Variants in BCAS3 observed in about 807,000 individuals in gnomAD.
BCAS3 encodes the protein BCAS4/BCAS3 fusion.
In BCAS3, 53 loss-of-function variants were observed where a neutral mutation model predicts 116.1. The observed-to-expected ratio is 0.46, with a 90% confidence interval of 0.37 to 0.57. BCAS3 has a LOEUF of 0.57. Among genes scored for constraint, BCAS3 ranks in the 20% least tolerant of loss-of-function variants. The probability of loss-of-function intolerance (pLI) is 0.00; values close to 1 mark genes in which losing one functional copy is unlikely to be tolerated. For missense variants in BCAS3, 917 were observed against 1,165.4 expected, an observed-to-expected ratio of 0.79 and a Z score of 3.10; for synonymous variants, 391 against 408.2, an observed-to-expected ratio of 0.96 and a Z score of 0.51.
In BCAS3 at chr17:61,277,132, C is replaced by T. The variant is rs559233782; in HGVS notation, c.2426-91195C>T. 1.5e-4 allele frequency among the ~76,000 whole-genome samples: 23 copies of T among 151,974 alleles called. No homozygotes were observed. In the South Asian group the frequency reaches 2.1e-3, roughly 14 times the overall value. ...AAAAAAATTTAGAGGGGCATGGTGG[C>T]GTGTGCCTATAGCCCTAGTAACTCA... On this transcript the variant is annotated intron_variant, in intron 22 of 23. Coordinates refer to ENST00000407086, the MANE Select transcript of BCAS3 (RefSeq NM_017679.5).
chr17:60,759,338 A>G (rs1463991767), intron 6 of BCAS3, among the ~76,000 whole-genome samples: 1 of 152,190 alleles, frequency 6.6e-6, no homozygotes, highest in Non-Finnish European at 1.5e-5. Flanking sequence ...CGCAGAGTGT[A>G]TATTCTGTAG....
At chr17:61,085,652 T>C (rs1280022515) in intron 22 of BCAS3, among the ~76,000 whole-genome samples, 1 of 152,216 alleles carries the variant, frequency 6.6e-6, no homozygotes, top group African/African-American at 2.4e-5. Flanking sequence ...ACTATTACTT[T>C]AGAGGACTCA....
chr17:61,165,320 T>A (rs1041961643), intron 22 of BCAS3, among the ~76,000 whole-genome samples: 6 of 152,194 alleles, frequency 3.9e-5, no homozygotes, highest in Non-Finnish European at 7.4e-5. Context: ...CACCAATGTA[T>A]ATCCTGGCCA....
chr17:61,290,992 G>T (rs1036255472), intron 22 of BCAS3, among the ~76,000 whole-genome samples: 2 of 152,146 alleles, frequency 1.3e-5, no homozygotes, highest in African/African-American at 4.8e-5. Flanking sequence ...ATGTTAGCCA[G>T]GATGATCTCG....
At chr17:61,169,918 G>A (rs775493232) in intron 22 of BCAS3, among the ~76,000 whole-genome samples, 62 of 152,012 alleles carry the variant, frequency 4.1e-4, no homozygotes, top group Middle Eastern at 3.2e-3. Context: ...GCAGTGATGC[G>A]ATCTTGGCTC....
chr17:60,721,872 C>A (rs2039275604), intron 5 of BCAS3, among the ~76,000 whole-genome samples: 2 of 152,210 alleles, frequency 1.3e-5, no homozygotes, highest in Non-Finnish European at 2.9e-5. Flanking sequence ...TTTCCACCTC[C>A]AAGTAACCAT....
At chr17:60,847,975 T>TAG (rs1168640207) in intron 7 of BCAS3, among the ~76,000 whole-genome samples, 4 of 152,208 alleles carry the variant, frequency 2.6e-5, no homozygotes, top group African/African-American at 9.6e-5. Flanking sequence ...ATATTTGGGT[T>TAG]AGAACTATTT....
intron 6 of BCAS3, among the ~76,000 whole-genome samples, chr17:60,807,214 T>G (rs1193969660): frequency 6.6e-6 from 1 of 152,226 alleles, no homozygotes; most frequent in Non-Finnish European, 1.5e-5. Flanking sequence ...TTACTGTTGC[T>G]TAGGTAAATC....
At chr17:61,314,512 T>A (rs1277163698) in intron 22 of BCAS3, among the ~76,000 whole-genome samples, 1 of 152,232 alleles carries the variant, frequency 6.6e-6, no homozygotes, top group Non-Finnish European at 1.5e-5. Context: ...ACAGCCCTCC[T>A]AATGACTCTA....
intron 14 of BCAS3, among the ~76,000 whole-genome samples, chr17:60,963,555 ATTTTTTTTT>A (rs148722954): frequency 7.9e-6 from 1 of 126,066 alleles, no homozygotes; most frequent in South Asian, 2.4e-4. Context: ...AATGCTATCG[ATTTTTTTTT>A]TTTTTTTTTG....
intron 23 of BCAS3, among the ~76,000 whole-genome samples, chr17:61,369,904 C>T (rs576497004): frequency 1.9e-4 from 29 of 152,344 alleles, no homozygotes; most frequent in African/African-American, 5.5e-4. Context: ...TAGCCAGCCT[C>T]GGCTCACATA....
Position 61,083,087 on chromosome 17 carries a change from A to G in BCAS3, c.2328-1380A>G, listed in dbSNP as rs1568314348. Among the ~76,000 whole-genome samples the G allele has an allele frequency of 6.6e-6, 1 of 152,130 alleles. No homozygotes were observed. The highest frequency in any genetic ancestry group is 1.5e-5 in the Non-Finnish European group (1 of 68,018). Reference sequence around the variant, plus strand: ...CCTGAATCTATCGTATTCAGTCACTAATCTAAGTTTCTATATGTTGTAGTC... The same window carrying G: ...CCTGAATCTATCGTATTCAGTCACTGATCTAAGTTTCTATATGTTGTAGTC... On this transcript the variant is annotated intron_variant, in intron 21 of 23. Coordinates refer to ENST00000407086, the MANE Select transcript of BCAS3 (RefSeq NM_017679.5). This position sits in a 1 kb window ranked among gnomAD's most constrained non-coding sequence, Gnocchi z 4.9.
At chr17:61,329,389 G>A (rs554641234) in intron 22 of BCAS3, among the ~76,000 whole-genome samples, 4 of 146,302 alleles carry the variant, frequency 2.7e-5, no homozygotes, top group African/African-American at 7.6e-5. Context: ...CGCCCAGGCC[G>A]GAGTGCAGTG....
intron 12 of BCAS3, among the ~76,000 whole-genome samples, chr17:60,916,032 T>A (rs1218467976): frequency 1.3e-5 from 2 of 152,126 alleles, no homozygotes; most frequent in Non-Finnish European, 2.9e-5. Context: ...TATGAATGTG[T>A]CAGTTTGTTC....
intron 7 of BCAS3, among the ~76,000 whole-genome samples, chr17:60,866,570 G>A (rs1015433018): frequency 2.0e-5 from 3 of 152,170 alleles, no homozygotes; most frequent in Non-Finnish European, 4.4e-5. Context: ...GTTGGAAAGT[G>A]ACTCTTCTAC....
In BCAS3 at chr17:61,347,899, C is replaced by G. The variant is rs7221731; in HGVS notation, c.2426-20428C>G. Among the ~76,000 whole-genome samples, 1,872 of 152,212 alleles carry G rather than the reference C, an allele frequency of 0.012. 32 individuals carry two copies. The highest frequency in any genetic ancestry group is 0.043 in the African/African-American group (1,805 of 41,524). ...GGGCAAGGCGCAAGGTGGGGTGTAG[C>G]GTTCAGAGTCTGGAAAGCTGCTAGA... is the stretch of plus-strand genomic sequence containing the variant. On this transcript the variant is annotated intron_variant, in intron 22 of 23. Coordinates refer to ENST00000407086, the MANE Select transcript of BCAS3 (RefSeq NM_017679.5). This position sits in a 1 kb window ranked among gnomAD's most constrained non-coding sequence, Gnocchi z 4.3.
chr17:60,793,591 T>A (rs2046963091), intron 6 of BCAS3, among the ~76,000 whole-genome samples: 1 of 152,110 alleles, frequency 6.6e-6, no homozygotes, highest in Admixed American at 6.5e-5. Flanking sequence ...GTCCACTGCA[T>A]CATTCATATG....
At position 61,354,629 on chromosome 17, in the gene BCAS3, C is replaced by T. The variant is rs1376529293; in HGVS notation, c.2426-13698C>T. On this transcript the variant is annotated intron_variant, in intron 22 of 23. Coordinates refer to ENST00000407086, the MANE Select transcript of BCAS3 (RefSeq NM_017679.5). This position sits in a 1 kb window ranked among gnomAD's most constrained non-coding sequence, Gnocchi z 4.5. ...GGGATTCTGTAATGTACCTTGCCCC[C>T]AGTCAGGATGGGAGGCCAGGCCCAG... 2 of 152,230 alleles carry T rather than the reference C, an allele frequency of 1.3e-5. No individual in the cohort carries two copies. Among genetic ancestry groups the T allele is most frequent in the South Asian group, 4.1e-4 (2 of 4,832 alleles). 9.4% of individuals were successfully genotyped at this position (152,230 alleles called of 1,614,324 possible). A position where few individuals can be genotyped will look rare whatever the true frequency, so the allele number is the denominator to read the frequency against.
intron 22 of BCAS3, among the ~76,000 whole-genome samples, chr17:61,091,290 G>A (rs2073544212): frequency 6.6e-6 from 1 of 152,102 alleles, no homozygotes; most frequent in Non-Finnish European, 1.5e-5. Flanking sequence ...ATTTACATGG[G>A]ACTTTTTGAC....
Sources: allele counts gnomAD v4.1 joint callset (sites outside exome capture counted in the v4.1 genomes callset), GRCh38; gene constraint gnomAD v4.1.1; non-coding constraint Gnocchi (gnomAD v3.1); transcripts MANE v1.5; gene names NCBI Gene and HGNC (gene_info 2026-07-23, HGNC 2026-07-21).